ARHGAP32: variants seen among roughly 807,000 people sequenced by gnomAD.
The protein encoded by ARHGAP32 is Rho GTPase activating protein 32.
In ARHGAP32, 51 loss-of-function variants were observed where a neutral mutation model predicts 186.5. That is an observed-to-expected ratio of 0.27 (90% CI 0.22 to 0.35). ARHGAP32 has a LOEUF of 0.35. Among genes scored for constraint, ARHGAP32 ranks in the 10% least tolerant of loss-of-function variants. The pLI, the probability that ARHGAP32 is intolerant of heterozygous loss-of-function variation, is 1.00. For missense variants in ARHGAP32, 2,186 were observed against 2,623.5 expected (o/e 0.83, Z 3.64); for synonymous variants, 950 against 964.3 (o/e 0.99, Z 0.27).
chr11:129,108,604 C>G (rs1360045952), intron 5 of ARHGAP32, among the ~76,000 whole-genome samples: 1 of 152,110 alleles, frequency 6.6e-6, no homozygotes, highest in African/African-American at 2.4e-5. Context: ...GATCACCTCT[C>G]TATCTTCTTT....
At chr11:129,072,925 T>C (rs1940915769) in intron 6 of ARHGAP32, among the ~76,000 whole-genome samples, 1 of 152,070 alleles carries the variant, frequency 6.6e-6, no homozygotes. Context: ...AAGAAGAAAA[T>C]ACAGCTCCAG....
In ARHGAP32 at chr11:128,970,955, G is replaced by A. The variant is rs1945349721; in HGVS notation, c.4258C>T (p.Pro1420Ser). The A allele has an allele frequency of 1.9e-6, 3 of 1,614,012 alleles. No homozygotes were observed. Among genetic ancestry groups the A allele is most frequent in the Non-Finnish European group, 2.5e-6 (3 of 1,180,002 alleles). The change falls in exon 23 of 23, where the codon CCC becomes TCC. Residue 1420 changes from proline to serine, a missense_variant. Around this residue, in one of 5 missense-constraint regions of ARHGAP32, gnomAD observed 1,502 missense variants for 1,570.0 expected, o/e 0.96. Transcript: ENST00000682385. This position sits in a 1 kb window ranked among gnomAD's most constrained non-coding sequence, Gnocchi z 5.8. ...HLRAESVPAH[P>S]CGFPAPLPPT... Reference sequence around the variant, plus strand: ...GGCAGTGGTGCAGGAAAGCCACAGGGATGCGCAGGGACAGACTCGGCGCGC... The same window carrying A: ...GGCAGTGGTGCAGGAAAGCCACAGGAATGCGCAGGGACAGACTCGGCGCGC...
intron 10 of ARHGAP32, among the ~76,000 whole-genome samples, chr11:129,041,492 TAAA>T (rs5795655): frequency 6.9e-5 from 9 of 130,358 alleles, no homozygotes; most frequent in Non-Finnish European, 1.1e-4. Flanking sequence ...CCAGGTTTCA[TAAA>T]AAAAAAAAAA....
intron 11 of ARHGAP32, among the ~76,000 whole-genome samples, chr11:129,021,429 G>A (rs1938588672): frequency 6.6e-6 from 1 of 152,036 alleles, no homozygotes. Flanking sequence ...GGTTAAAGAT[G>A]AAACCAAAGC....
rs77530003 is a variant in ARHGAP32 at position 128,983,246 on chromosome 11, G to A, written c.1527-1310C>T. ...GTCAGAGTGGCTCCAAAGTGCCTGC[G>A]CGTTCAAGGGCATTGTAGTTGCTTT... On this transcript the variant is annotated intron_variant, in intron 15 of 22. Transcript: ENST00000682385. Among the ~76,000 whole-genome samples the A allele has an allele frequency of 8.0e-3, 1,221 of 152,274 alleles. 9 individuals are homozygous for A. The highest frequency in any genetic ancestry group is 0.028 in the African/African-American group (1,159 of 41,542).
intron 1 of ARHGAP32, among the ~76,000 whole-genome samples, chr11:129,209,504 T>C (rs545469580): frequency 6.6e-6 from 1 of 152,222 alleles, no homozygotes; most frequent in East Asian, 1.9e-4. Flanking sequence ...TAAGGATTTG[T>C]CTAGGCACCT....
At chr11:129,137,588 T>C (rs1942963487) in intron 2 of ARHGAP32, among the ~76,000 whole-genome samples, 1 of 152,012 alleles carries the variant, frequency 6.6e-6, no homozygotes, top group Non-Finnish European at 1.5e-5. Flanking sequence ...GACATTATCG[T>C]TCTGAAACTA....
chr11:129,234,473 T>C (rs1822564607), intron 1 of ARHGAP32, among the ~76,000 whole-genome samples: 1 of 151,984 alleles, frequency 6.6e-6, no homozygotes, highest in South Asian at 2.1e-4. Context: ...TAAGTTTAGG[T>C]GACGAGCACA....
At chr11:129,167,308 G>T (rs762789732) in intron 1 of ARHGAP32, among the ~76,000 whole-genome samples, 1 of 152,100 alleles carries the variant, frequency 6.6e-6, no homozygotes, top group Non-Finnish European at 1.5e-5. Flanking sequence ...GAAAAGACTG[G>T]CAGTTTCTCA....
At chr11:129,096,905 G>C (rs887442637) in intron 5 of ARHGAP32, among the ~76,000 whole-genome samples, 2 of 152,142 alleles carry the variant, frequency 1.3e-5, no homozygotes, top group Non-Finnish European at 2.9e-5. Flanking sequence ...GAGAAAATTA[G>C]AAAGTGACTG....
chr11:129,185,567 G>A (rs887551733), intron 1 of ARHGAP32, among the ~76,000 whole-genome samples: 12 of 152,166 alleles, frequency 7.9e-5, no homozygotes, highest in East Asian at 3.9e-4. Flanking sequence ...AAACCTGCAC[G>A]TTGTGCACAT....
At position 129,143,700 on chromosome 11, in the gene ARHGAP32, T is replaced by C. The variant is rs568719046; in HGVS notation, c.226-18806A>G. On this transcript the variant is annotated intron_variant, in intron 2 of 22. Transcript: ENST00000682385. Reference sequence around the variant, plus strand: ...GAAAGTGCTTCTGTAAGTGAAAAGGTGAAGTTCTCAACTTAATAAGGAAAG... The same window carrying C: ...GAAAGTGCTTCTGTAAGTGAAAAGGCGAAGTTCTCAACTTAATAAGGAAAG... Among the ~76,000 whole-genome samples, 16 of 126,832 alleles carry C rather than the reference T, an allele frequency of 1.3e-4. No homozygotes were observed. In the East Asian group the frequency reaches 3.4e-3, roughly 27 times the overall value. 83.2% of individuals were successfully genotyped at this position (126,832 alleles called of 152,430 possible). A position where few individuals can be genotyped will look rare whatever the true frequency, so the allele number is the denominator to read the frequency against.
intron 6 of ARHGAP32, among the ~76,000 whole-genome samples, chr11:129,079,143 T>C (rs900987895): frequency 6.6e-5 from 10 of 152,222 alleles, no homozygotes; most frequent in African/African-American, 2.4e-4. Context: ...CAATAATTAG[T>C]ATTCCCAAGA....
At chr11:129,062,086 G>A (rs1044754632) in intron 10 of ARHGAP32, among the ~76,000 whole-genome samples, 194 bp downstream of exon 10, 3 of 152,122 alleles carry the variant, frequency 2.0e-5, no homozygotes, top group Non-Finnish European at 4.4e-5. Flanking sequence ...GATGAAAAAG[G>A]AGATAAGAAA....
chr11:129,146,883 T>G (rs994323731), intron 2 of ARHGAP32, among the ~76,000 whole-genome samples: 1 of 151,988 alleles, frequency 6.6e-6, no homozygotes, highest in Non-Finnish European at 1.5e-5. Context: ...ATTAACCAAA[T>G]GGAATTGAGT....
chr11:129,264,184 T>C (rs1945361934), intron 1 of ARHGAP32, among the ~76,000 whole-genome samples: 1 of 152,196 alleles, frequency 6.6e-6, no homozygotes, highest in Non-Finnish European at 1.5e-5. Flanking sequence ...ATGGGGTATC[T>C]AAAGTAGCCA....
chr11:129,044,405 AT>A (rs577662474), intron 10 of ARHGAP32, among the ~76,000 whole-genome samples: 1 of 152,128 alleles, frequency 6.6e-6, no homozygotes, highest in African/African-American at 2.4e-5. Context: ...AGGTTGCAAA[AT>A]TTTTTTGTGA....
At chr11:129,240,202 T>C (rs1048189873) in intron 1 of ARHGAP32, among the ~76,000 whole-genome samples, 34 of 152,030 alleles carry the variant, frequency 2.2e-4, no homozygotes, top group African/African-American at 8.0e-4. Context: ...TGACTAGACA[T>C]ATAAATTTCT....
intron 1 of ARHGAP32, among the ~76,000 whole-genome samples, chr11:129,200,694 C>A (rs1049647671): frequency 6.6e-6 from 1 of 152,054 alleles, no homozygotes; most frequent in African/African-American, 2.4e-5. Flanking sequence ...GTTTCGTAAT[C>A]TCTAAAATAG....
Sources: gnomAD v4.1 joint callset for allele counts (sites outside exome capture counted in the v4.1 genomes callset) on GRCh38, gnomAD v4.1.1 for gene constraint, gnomAD v4.1.1 regional missense constraint, Gnocchi (gnomAD v3.1) non-coding constraint, MANE v1.5 for transcripts, NCBI Gene and HGNC (gene_info 2026-07-23, HGNC 2026-07-21) for gene names.